DNAH14: variants seen among roughly 807,000 people sequenced by gnomAD.
The protein encoded by DNAH14 is axonemal beta dynein heavy chain 14.
A neutral mutation model predicts 520.9 loss-of-function variants in DNAH14; 478 were observed. The ratio of observed to expected loss-of-function variants is 0.92; its 90% CI spans 0.85 to 0.99. The LOEUF (loss-of-function observed/expected upper bound fraction) is 0.99, where lower values mean the gene tolerates loss of function less well. Among genes scored for constraint, DNAH14 ranks in the 50% least tolerant of loss-of-function variants. The pLI is 0.00. For synonymous variants in DNAH14, 1,581 were observed against 1,757.2 expected, an observed-to-expected ratio of 0.90 and a Z score of 2.51; for missense variants, 4,831 against 5,234.5, an observed-to-expected ratio of 0.92 and a Z score of 2.38.
intron 8 of DNAH14, among the ~76,000 whole-genome samples, chr1:225,000,433 T>C (rs1333821492): frequency 6.6e-6 from 1 of 152,054 alleles, no homozygotes; most frequent in East Asian, 1.9e-4. Flanking sequence ...TTTTGACAAA[T>C]TTGGAATGTT....
chr1:225,392,021 C>T (rs2095921388), intron 83 of DNAH14, among the ~76,000 whole-genome samples: 1 of 152,040 alleles, frequency 6.6e-6, no homozygotes, highest in Admixed American at 6.5e-5. Flanking sequence ...AATTGACAGC[C>T]CCTCTATCCC....
rs755733985 is a variant in DNAH14 at position 225,377,146 on chromosome 1, G to C, written c.12517-91G>C. The C allele has an allele frequency of 5.4e-4, 563 of 1,038,584 alleles. 3 individuals are homozygous for C. Among genetic ancestry groups the C allele is most frequent in the Non-Finnish European group, 7.1e-4 (538 of 752,632 alleles). The allele number at this position is 1,038,584 out of a possible 1,614,324, so 64.3% of individuals were successfully genotyped here. On this transcript the variant is annotated intron_variant, in intron 78 of 85. Transcript: ENST00000682510. Reference sequence around the variant, plus strand: ...GAAAATATTGTCTTCAAGCATTACTGAAAGTAGGTATCTTACTCTGGCAAA... The same window carrying C: ...GAAAATATTGTCTTCAAGCATTACTCAAAGTAGGTATCTTACTCTGGCAAA...
intron 4 of DNAH14, 21 bp from the exon 5 acceptor site, chr1:224,964,458 T>G: frequency 1.3e-6 from 2 of 1,586,886 alleles, no homozygotes; most frequent in Non-Finnish European, 1.7e-6. Flanking sequence ...TATACTGGAT[T>G]TTTAAATTGT....
chr1:224,997,653 G>T (rs935977609), intron 8 of DNAH14, among the ~76,000 whole-genome samples: 3 of 151,948 alleles, frequency 2.0e-5, no homozygotes, highest in Admixed American at 6.6e-5. Context: ...TAAACATTTG[G>T]TAGAAATGTC....
chr1:225,012,241 T>C (rs1252735358), intron 10 of DNAH14, among the ~76,000 whole-genome samples: 1 of 152,228 alleles, frequency 6.6e-6, no homozygotes, highest in African/African-American at 2.4e-5. Context: ...AAATTCTGGG[T>C]TGAAAATTCT....
At chr1:225,266,825 A>C (rs2093135810) in intron 49 of DNAH14, 56 bp downstream of exon 49, 1 of 1,406,156 alleles carries the variant, frequency 7.1e-7, no homozygotes, top group Non-Finnish European at 9.4e-7. Context: ...ACACTAAATT[A>C]AATGTTTATA....
intron 10 of DNAH14, among the ~76,000 whole-genome samples, chr1:225,018,896 A>C (rs1023263507): frequency 6.6e-6 from 1 of 152,224 alleles, no homozygotes; most frequent in African/African-American, 2.4e-5. Context: ...AGAGGTCCTA[A>C]AGGGAGTGCT....
intron 23 of DNAH14, among the ~76,000 whole-genome samples, chr1:225,116,689 C>T (rs563625519): frequency 1.3e-5 from 2 of 152,184 alleles, no homozygotes; most frequent in East Asian, 3.9e-4. Flanking sequence ...TAACAGATGT[C>T]AGCATTAAGA....
chr1:225,201,907 C>G (rs1186508933), intron 38 of DNAH14, among the ~76,000 whole-genome samples: 2 of 136,320 alleles, frequency 1.5e-5, no homozygotes, highest in Non-Finnish European at 3.0e-5. Flanking sequence ...CGAAGTCTTC[C>G]TCTTGTCCCC....
At chr1:225,237,929 T>C (rs566731178) in intron 42 of DNAH14, among the ~76,000 whole-genome samples, 140 of 152,340 alleles carry the variant, frequency 9.2e-4, no homozygotes, top group Non-Finnish European at 1.4e-3. Context: ...TGTGATTGCA[T>C]TGAGAAATTC....
chr1:225,350,915 GCCAGACAAAGATA>G (rs2095356142), intron 71 of DNAH14, among the ~76,000 whole-genome samples: 1 of 152,084 alleles, frequency 6.6e-6, no homozygotes, highest in Admixed American at 6.6e-5. Context: ...TGATACTAAA[GCCAGACAAAGATA>G]CTACAAGTAA....
chr1:225,111,374 C>A (rs2076465659), intron 23 of DNAH14, among the ~76,000 whole-genome samples: 1 of 152,196 alleles, frequency 6.6e-6, no homozygotes, highest in Admixed American at 6.5e-5. Context: ...ACCCTTTTAT[C>A]ATTATGTAAT....
chr1:225,125,918 G>A (rs75511104), intron 27 of DNAH14, among the ~76,000 whole-genome samples: 16 of 152,134 alleles, frequency 1.1e-4, no homozygotes, highest in Admixed American at 4.6e-4. Flanking sequence ...AGAGACCATT[G>A]TAAGGTTATT....
At chr1:225,291,369 A>G (rs1336243605) in intron 55 of DNAH14, among the ~76,000 whole-genome samples, 2 of 152,058 alleles carry the variant, frequency 1.3e-5, no homozygotes, top group African/African-American at 4.8e-5. Flanking sequence ...TTTTCTTTGG[A>G]TAAATGCCCA....
rs180819903 is a variant in DNAH14 at position 225,160,489 on chromosome 1, A to C, written c.5445+1004A>C. 7.9e-5 allele frequency among the ~76,000 whole-genome samples: 12 copies of C among 152,310 alleles called. No individual in the cohort carries two copies. The East Asian group carries it at 2.3e-3, about 29-fold the overall frequency. On this transcript the variant is annotated intron_variant, in intron 35 of 85. Transcript: ENST00000682510. ...AAGACCATTTATTAGGTGATGTAGG[A>C]AAGTTTGAAAATCTCCCTTGAAAAC...
At chr1:225,186,749 A>G (rs892939698) in intron 37 of DNAH14, among the ~76,000 whole-genome samples, 1 of 151,810 alleles carries the variant, frequency 6.6e-6, no homozygotes, top group East Asian at 1.9e-4. Context: ...AATTAACCTT[A>G]TGACATTAAA....
Position 224,929,695 on chromosome 1 carries a change from A to C in DNAH14, c.-174A>C, listed in dbSNP as rs2058546246. 1 of 702,254 alleles carries C rather than the reference A, an allele frequency of 1.4e-6. No homozygotes were observed. Among genetic ancestry groups the C allele is most frequent in the African/African-American group, 1.7e-5 (1 of 57,236 alleles). The allele number at this position is 702,254 out of a possible 1,614,324, so 43.5% of individuals were successfully genotyped here. A position where few individuals can be genotyped will look rare whatever the true frequency, so the allele number is the denominator to read the frequency against. ...TCTTGGTCAGGCGGTTACGGCCAGG[A>C]GGCGTCGGAGCCTGGCGTGGTAGGG... is the stretch of plus-strand genomic sequence containing the variant. On this transcript the variant is annotated 5_prime_UTR_variant, in exon 1 of 86. Coordinates refer to ENST00000682510, the MANE Select transcript of DNAH14 (RefSeq NM_001367479.1).
rs117831135 is a variant in DNAH14, at chr1:225,189,088, T to C, written c.5671-3608T>C. 2.0e-5 allele frequency among the ~76,000 whole-genome samples: 3 copies of C among 152,062 alleles called. No individual in the cohort carries two copies. In the East Asian group the frequency reaches 5.8e-4, roughly 29 times the overall value. ...GTGTGAAATTTTGTCAAATGCTTTT[T>C]CTGTGCCTTTTGATATGATCGTGTG... On this transcript the variant is annotated intron_variant, in intron 37 of 85. Transcript: ENST00000682510.
intron 39 of DNAH14, among the ~76,000 whole-genome samples, chr1:225,204,734 A>G (rs559609192): frequency 1.3e-5 from 2 of 152,340 alleles, no homozygotes; most frequent in South Asian, 4.1e-4. Context: ...CAAAATATGT[A>G]TATGACCTTG....
Sources: gnomAD v4.1 joint callset for allele counts (sites outside exome capture counted in the v4.1 genomes callset) on GRCh38, gnomAD v4.1.1 for gene constraint, MANE v1.5 for transcripts, NCBI Gene and HGNC (gene_info 2026-07-23, HGNC 2026-07-21) for gene names.